ANPEP: variants seen among roughly 807,000 people sequenced by gnomAD.
ANPEP encodes the protein alanyl aminopeptidase, membrane, also known as aminopeptidase N.
In ANPEP, 70 loss-of-function variants were observed where a neutral mutation model predicts 114.6. The ratio of observed to expected loss-of-function variants is 0.61; its 90% confidence interval spans 0.50 to 0.75. The LOEUF (loss-of-function observed/expected upper bound fraction) is 0.75, where lower values mean the gene tolerates loss of function less well. Among genes scored for constraint, ANPEP ranks in the 30% least tolerant of loss-of-function variants. The pLI, the probability that ANPEP is intolerant of heterozygous loss-of-function variation, is 0.00. For missense variants in ANPEP, 1,184 were observed against 1,259.5 expected (o/e 0.94, Z 0.91); for synonymous variants, 548 against 522.3 (o/e 1.05, Z -0.67).
intron 1 of ANPEP, among the ~76,000 whole-genome samples, chr15:89,811,514 TG>T (rs1894814603): frequency 6.6e-6 from 1 of 151,018 alleles, no homozygotes; most frequent in Non-Finnish European, 1.5e-5. Context: ...GGCGTGGTGG[TG>T]GGCGCCTGTA....
chr15:89,802,355 A>C (rs1894610628), intron 10 of ANPEP: 1 of 152,068 alleles, frequency 6.6e-6, no homozygotes, highest in Non-Finnish European at 1.5e-5. Context: ...TCATTTTGTC[A>C]GCAGCATCTT....
chr15:89,788,612 G>GT (rs1968548543), intron 20 of ANPEP, among the ~76,000 whole-genome samples: 1 of 151,882 alleles, frequency 6.6e-6, no homozygotes, highest in African/African-American at 2.4e-5. Context: ...TTTGGTTTTG[G>GT]TTTTTTGAGA....
At chr15:89,812,356 G>T (rs905531236) in intron 1 of ANPEP, among the ~76,000 whole-genome samples, 5 of 152,196 alleles carry the variant, frequency 3.3e-5, no homozygotes, top group African/African-American at 1.2e-4. Flanking sequence ...ACGAGGCTGG[G>T]CCTGGGCCAG....
In ANPEP at chr15:89,792,295, C is replaced by A; in HGVS notation, c.2393G>T (p.Cys798Phe). ...CTCCCCGCCCTGGGCGATAGCGTTG[C>A]AGTAGACGGTGGACCGCAGGTTGGG... is the stretch of plus-strand genomic sequence containing the variant. ...IHPNLRSTVY[C>F]NAIAQGGEEE... Residue 798 changes from cysteine (C) to phenylalanine (F), a missense_variant, in exon 18 of 21, where the codon TGC (cysteine) becomes TTC (phenylalanine). Physicochemically the swap from Cys to Phe is radical, Grantham distance 205 (BLOSUM62 -2). Coordinates refer to ENST00000300060, the MANE Select transcript of ANPEP (RefSeq NM_001150.3). 1 of 1,614,214 alleles carries A rather than the reference C, an allele frequency of 6.2e-7. No homozygotes were observed. The highest frequency in any genetic ancestry group is 8.5e-7 in the Non-Finnish European group (1 of 1,180,036).
At position 89,792,290 on chromosome 15, in the gene ANPEP, C is replaced by T. The variant is rs201569062; in HGVS notation, c.2398G>A (p.Ala800Thr). The T allele has an allele frequency of 1.9e-6, 3 of 1,614,194 alleles. No homozygotes were observed. Among genetic ancestry groups the T allele is most frequent in the South Asian group, 1.1e-5 (1 of 91,086 alleles). ...PNLRSTVYCNAIAQGGEEEWD... is the reference protein window; with the variant it reads ...PNLRSTVYCNTIAQGGEEEWD... ...TCCTCCTCCCCGCCCTGGGCGATAG[C>T]GTTGCAGTAGACGGTGGACCGCAGG... The change falls in exon 18 of 21, where the codon GCT (alanine) becomes ACT (threonine). Residue 800 changes from alanine (A) to threonine (T), a missense_variant. Ala to Thr is a moderately conservative substitution (Grantham distance 58). Transcript: ENST00000300060.
At chr15:89,814,296 T>C (rs1223979469) in intron 1 of ANPEP, among the ~76,000 whole-genome samples, 1 of 152,142 alleles carries the variant, frequency 6.6e-6, no homozygotes, top group Non-Finnish European at 1.5e-5. Flanking sequence ...GAGCGAGATC[T>C]AAGGTTAAAG....
At chr15:89,797,486 C>A in intron 15 of ANPEP, 89 bp downstream of exon 15, 1 of 1,465,020 alleles carries the variant, frequency 6.8e-7, no homozygotes, top group Non-Finnish European at 9.1e-7. Flanking sequence ...ACCAGGAGTC[C>A]AGTAGGCAAT....
chr15:89,792,855 G>GGTCC (rs1968658879), intron 16 of ANPEP, among the ~76,000 whole-genome samples, 180 bp downstream of exon 16: 1 of 152,194 alleles, frequency 6.6e-6, no homozygotes, highest in Admixed American at 6.5e-5. Context: ...TGTATAAAGA[G>GGTCC]GTCCGATGGG....
At chr15:89,792,071 G>A (rs911038099) in intron 18 of ANPEP, 89 bp downstream of exon 18, 26 of 1,469,088 alleles carry the variant, frequency 1.8e-5, no homozygotes, top group Middle Eastern at 1.8e-4. Context: ...TGGGGGTCAC[G>A]TGAAGGATCT....
Position 89,807,172 on chromosome 15 carries a change from C to A in ANPEP, c.-223-366G>T, listed in dbSNP as rs148703055. Among the ~76,000 whole-genome samples the A allele has an allele frequency of 8.9e-3, 1,359 of 152,344 alleles. 22 individuals are homozygous for A. Among genetic ancestry groups the A allele is most frequent in the African/African-American group, 0.031 (1,270 of 41,562 alleles). On this transcript the variant is annotated intron_variant, in intron 1 of 20. Transcript: ENST00000300060. ...CAGGGAGTTCCTCCAGGTTCCCCTC[C>A]CTGCCGCTTCTTGCCAAATACTTTT...
chr15:89,798,594 G>A (rs540470467), intron 14 of ANPEP, among the ~76,000 whole-genome samples: 16 of 151,064 alleles, frequency 1.1e-4, no homozygotes, highest in Admixed American at 6.6e-4. Flanking sequence ...CCAAGATCAC[G>A]CCACTGCACT....
rs1349449774 is a variant in ANPEP at position 89,803,357 on chromosome 15, C to A, written c.1504-53G>T. 1 of 1,613,284 alleles carries A rather than the reference C, an allele frequency of 6.2e-7. No individual in the cohort carries two copies. Among genetic ancestry groups the A allele is most frequent in the Non-Finnish European group, 8.5e-7 (1 of 1,179,252 alleles). ...CACAGCTGGAGCCCCCCAGGCTCCC[C>A]CTCTGTGGTGGGCAGAGGCCCGGGT... On this transcript the variant is annotated intron_variant, in intron 9 of 20. Coordinates refer to ENST00000300060, the MANE Select transcript of ANPEP (RefSeq NM_001150.3). The surrounding 1 kb of genome is among the most constrained non-coding windows in gnomAD (Gnocchi z 4.2).
In ANPEP at chr15:89,805,117, C is replaced by T; in HGVS notation, c.858G>A (p.Glu286=). 6.2e-7 allele frequency: 1 copy of T among 1,614,264 alleles called. No homozygotes were observed. Among genetic ancestry groups the T allele is most frequent in the Admixed American group, 1.7e-5 (1 of 60,030 alleles). The part of the protein sequence containing the change: ...STYLLAFIVS[E]FDYVEKQASN... ...ATGCCTGCTTCTCCACGTAGTCGAA[C>T]TCACTGACAATGAAGGCCAGCAAGT... Residue 286 remains glutamate (E), a synonymous_variant, in exon 4 of 21, where the codon GAG becomes GAA. Coordinates refer to ENST00000300060, the MANE Select transcript of ANPEP (RefSeq NM_001150.3).
At position 89,799,016 on chromosome 15, in the gene ANPEP, G is replaced by C. The variant is rs1433616335; in HGVS notation, c.2009+244C>G. Among the ~76,000 whole-genome samples, 1 of 152,224 alleles carries C rather than the reference G, an allele frequency of 6.6e-6. No homozygotes were observed. Among genetic ancestry groups the C allele is most frequent in the Non-Finnish European group, 1.5e-5 (1 of 68,038 alleles). ...TGCTGTGGAGTAGAGGATGGCTTTGGAGTTGGACAAGCCTCTGTCTGGCTG... is the reference window on the plus strand; with the variant it reads ...TGCTGTGGAGTAGAGGATGGCTTTGCAGTTGGACAAGCCTCTGTCTGGCTG... On this transcript the variant is annotated intron_variant, in intron 14 of 20. Transcript: ENST00000300060. The surrounding 1 kb of genome is among the most constrained non-coding windows in gnomAD (Gnocchi z 4.2).
rs762691872 is a variant in ANPEP, at chr15:89,792,434, C to T, written c.2360+18G>A. Reference sequence around the variant, plus strand: ...GGCAGATGAAGACTGGCAGAGGAGGCGCAGGGGAGACACTCACGGGTTATT... The same window carrying T: ...GGCAGATGAAGACTGGCAGAGGAGGTGCAGGGGAGACACTCACGGGTTATT... On this transcript the variant is annotated intron_variant, in intron 17 of 20. Coordinates refer to ENST00000300060, the MANE Select transcript of ANPEP (RefSeq NM_001150.3). The T allele has an allele frequency of 2.3e-5, 37 of 1,613,256 alleles. No homozygotes were observed. Among genetic ancestry groups the T allele is most frequent in the South Asian group, 2.2e-4 (20 of 91,068 alleles).
chr15:89,788,889 G>T (rs1446620077), intron 20 of ANPEP, among the ~76,000 whole-genome samples: 1 of 151,856 alleles, frequency 6.6e-6, no homozygotes, highest in East Asian at 1.9e-4. Flanking sequence ...CAAAGTGCTG[G>T]GATTACAGGC....
intron 1 of ANPEP, among the ~76,000 whole-genome samples, chr15:89,813,322 C>T (rs759558614): frequency 6.6e-6 from 1 of 152,186 alleles, no homozygotes; most frequent in Non-Finnish European, 1.5e-5. Context: ...ATTCTTACAG[C>T]GATGGGGCTG....
intron 15 of ANPEP, among the ~76,000 whole-genome samples, chr15:89,796,748 G>T (rs1968735493): frequency 6.6e-6 from 1 of 151,898 alleles, no homozygotes; most frequent in Admixed American, 6.6e-5. Flanking sequence ...GCCTGCCTCG[G>T]CCTCCCAAAG....
chr15:89,784,952 C>T lies in ANPEP; in HGVS notation c.*397G>A, dbSNP rs1356159216. The T allele has an allele frequency of 5.7e-6, 1 of 176,034 alleles. No homozygotes were observed. The highest frequency in any genetic ancestry group is 2.4e-5 in the African/African-American group (1 of 42,418). 10.9% of individuals were successfully genotyped at this position (176,034 alleles called of 1,614,324 possible). On this transcript the variant is annotated 3_prime_UTR_variant, in exon 21 of 21. Transcript: ENST00000300060. ...TAGAAAAAAATATACAGATCTGCTG[C>T]CCTGTTGATTCCTCAGATTTAGGGT...
Sources: gnomAD v4.1 joint callset for allele counts (sites outside exome capture counted in the v4.1 genomes callset) on GRCh38, gnomAD v4.1.1 for gene constraint, Gnocchi (gnomAD v3.1) non-coding constraint, MANE v1.5 for transcripts, NCBI Gene and HGNC (gene_info 2026-07-23, HGNC 2026-07-21) for gene names.